The following ROCK2 variants were observed in gnomAD, a reference collection of about 807,000 sequenced individuals.
The protein encoded by ROCK2 is Rho associated coiled-coil containing protein kinase 2.
Under a neutral mutation model 195.1 loss-of-function variants are expected in ROCK2, and 61 were observed. The ratio of observed to expected loss-of-function variants is 0.31; its 90% confidence interval spans 0.25 to 0.39. The LOEUF (loss-of-function observed/expected upper bound fraction) is 0.39, where lower values mean the gene tolerates loss of function less well. Among genes scored for constraint, ROCK2 ranks in the 10% least tolerant of loss-of-function variants. The probability of loss-of-function intolerance (pLI) is 1.00; values close to 1 mark genes in which losing one functional copy is unlikely to be tolerated. For synonymous variants in ROCK2, 504 were observed against 545.5 expected, an observed-to-expected ratio of 0.92 and a Z score of 1.06; for missense variants, 1,109 against 1,637.4, an observed-to-expected ratio of 0.68 and a Z score of 5.57.
rs562933519 is a variant in ROCK2, at chr2:11,272,664, G to C, written c.324+13875C>G. 9.9e-5 allele frequency among the ~76,000 whole-genome samples: 15 copies of C among 152,138 alleles called. No individual in the cohort carries two copies. The East Asian group carries it at 2.9e-3, about 29-fold the overall frequency. ...GGAGGCCGAGGCAGGTGGATCATTT[G>C]AGGTCAGGAGTTTGAGACCAGCCTT... On this transcript the variant is annotated intron_variant, in intron 3 of 32. Transcript: ENST00000315872.
Position 11,298,455 on chromosome 2 carries a change from G to A in ROCK2, c.142-10719C>T, listed in dbSNP as rs541799717. On this transcript the variant is annotated intron_variant, in intron 1 of 32. Transcript: ENST00000315872. ...ACTCCACTCCAGCCTGAACAACAGAGTGAGACTCCATCTCAAAAAAAAAAA... is the reference window on the plus strand; with the variant it reads ...ACTCCACTCCAGCCTGAACAACAGAATGAGACTCCATCTCAAAAAAAAAAA... 6.1e-5 allele frequency among the ~76,000 whole-genome samples: 8 copies of A among 131,404 alleles called. No homozygotes were observed. In the East Asian group the frequency reaches 1.7e-3, roughly 28 times the overall value. The allele number at this position is 131,404 out of a possible 152,430, so 86.2% of individuals were successfully genotyped here.
In ROCK2 at chr2:11,197,682, G is replaced by T; in HGVS notation, c.3123C>A (p.Ile1041=). Reference sequence around the variant, plus strand: ...GCTTGACAGGTTCTTTTCGATTCATGATCTCAGCCAACTTATTCACAGCCT... The same window carrying T: ...GCTTGACAGGTTCTTTTCGATTCATTATCTCAGCCAACTTATTCACAGCCT... The part of the protein sequence containing the change: ...KTQAVNKLAE[I]MNRKEPVKRG... The change falls in exon 26 of 33, where the codon ATC becomes ATA. Residue 1041 remains isoleucine (I), a synonymous_variant. Transcript: ENST00000315872. The surrounding 1 kb of genome is among the most constrained non-coding windows in gnomAD (Gnocchi z 4.9). The T allele has an allele frequency of 6.3e-7, 1 of 1,588,742 alleles. No individual in the cohort carries two copies. Among genetic ancestry groups the T allele is most frequent in the Non-Finnish European group, 8.6e-7 (1 of 1,168,634 alleles).
chr2:11,247,032 TAA>T (rs1218211283), intron 4 of ROCK2, among the ~76,000 whole-genome samples: 3 of 152,192 alleles, frequency 2.0e-5, no homozygotes, highest in Non-Finnish European at 4.4e-5. Flanking sequence ...AATAAGAAAT[TAA>T]GTGTTGATAC....
In ROCK2 at chr2:11,237,631, A is replaced by G. The variant is rs114376392; in HGVS notation, c.463-1669T>C. Among the ~76,000 whole-genome samples, 494 of 152,386 alleles carry G rather than the reference A, an allele frequency of 3.2e-3. 2 individuals are homozygous for G. The highest frequency in any genetic ancestry group is 0.011 in the African/African-American group (442 of 41,594). ...ACCTCTCAGCCAACATACTGAATAT[A>G]AAAGGCAACATAGCTATATCTTCAA... On this transcript the variant is annotated intron_variant, in intron 4 of 32. Transcript: ENST00000315872.
At chr2:11,343,864 G>T in intron 1 of ROCK2, 132 bp downstream of exon 1, 1 of 1,180,012 alleles carries the variant, frequency 8.5e-7, no homozygotes, top group Non-Finnish European at 1.1e-6. Flanking sequence ...CTCCGGCCCC[G>T]GCTGCCGGAA....
At chr2:11,287,504 A>C in intron 2 of ROCK2, 151 bp downstream of exon 2, 2 of 347,492 alleles carry the variant, frequency 5.8e-6, no homozygotes, top group Non-Finnish European at 1.1e-5. Context: ...AAAAGTAACA[A>C]TTTTTGAATA....
chr2:11,194,870 G>A (rs1244276803), intron 28 of ROCK2, 85 bp downstream of exon 28: 17 of 628,154 alleles, frequency 2.7e-5, no homozygotes, highest in Non-Finnish European at 3.9e-5. Flanking sequence ...TACCAGTCAT[G>A]TATATCCTAC....
intron 5 of ROCK2, among the ~76,000 whole-genome samples, chr2:11,230,361 C>T (rs1423603859): frequency 6.6e-6 from 1 of 152,088 alleles, no homozygotes; most frequent in Admixed American, 6.5e-5. Context: ...GGAGCTTTCA[C>T]AAGATGGCAA....
intron 3 of ROCK2, among the ~76,000 whole-genome samples, chr2:11,256,205 C>T (rs927486706): frequency 2.0e-5 from 3 of 151,160 alleles, no homozygotes; most frequent in Admixed American, 6.6e-5. Context: ...TTTGTGCCCC[C>T]ACCCAAATTT....
intron 1 of ROCK2, among the ~76,000 whole-genome samples, chr2:11,296,034 G>GAGAGAGAGAGAC: frequency 6.8e-6 from 1 of 147,954 alleles, no homozygotes; most frequent in Non-Finnish European, 1.5e-5. Flanking sequence ...GAGAGAGAGA[G>GAGAGAGAGAGAC]AGAGAGAGAG....
chr2:11,232,195 C>G (rs1665039463), intron 5 of ROCK2, among the ~76,000 whole-genome samples: 2 of 151,696 alleles, frequency 1.3e-5, no homozygotes, highest in South Asian at 4.2e-4. Context: ...CTGGCACGAT[C>G]TCGGCTCACT....
chr2:11,320,787 AC>A (rs1325733330), intron 1 of ROCK2, among the ~76,000 whole-genome samples: 1 of 152,184 alleles, frequency 6.6e-6, no homozygotes, highest in Admixed American at 6.5e-5. Context: ...CTTCCAGGTG[AC>A]CAGGTGACCA....
At chr2:11,264,759 G>A (rs1165668705) in intron 3 of ROCK2, among the ~76,000 whole-genome samples, 1 of 152,104 alleles carries the variant, frequency 6.6e-6, no homozygotes, top group Non-Finnish European at 1.5e-5. Flanking sequence ...TTAGAAGTCA[G>A]GTAGAGAATG....
chr2:11,290,121 G>C (rs990869091), intron 1 of ROCK2, among the ~76,000 whole-genome samples: 8 of 151,990 alleles, frequency 5.3e-5, no homozygotes, highest in Non-Finnish European at 1.2e-4. Flanking sequence ...AAAAAATTCT[G>C]AATTGTTTTC....
At chr2:11,312,037 T>G (rs1668051844) in intron 1 of ROCK2, among the ~76,000 whole-genome samples, 1 of 152,200 alleles carries the variant, frequency 6.6e-6, no homozygotes, top group African/African-American at 2.4e-5. Flanking sequence ...AGCCGTCGTT[T>G]CATACTAAAG....
chr2:11,222,135 T>G lies in ROCK2; in HGVS notation c.1047A>C (p.Arg349Ser), dbSNP rs1199987707. 1 of 1,611,024 alleles carries G rather than the reference T, an allele frequency of 6.2e-7. No homozygotes were observed. Among genetic ancestry groups the G allele is most frequent in the African/African-American group, 1.3e-5 (1 of 74,878 alleles). The change falls in exon 8 of 33, where the codon AGA becomes AGC. Residue 349 changes from arginine (R) to serine (S), a missense_variant. Coordinates refer to ENST00000315872, the MANE Select transcript of ROCK2 (RefSeq NM_004850.5). ...GATCATTCTTAAAGAAAGGATGCTGTCTGATTTCTTCCACCCCATTTCTCC... is the reference window on the plus strand; with the variant it reads ...GATCATTCTTAAAGAAAGGATGCTGGCTGATTTCTTCCACCCCATTTCTCC... ...RLGRNGVEEI[R>S]QHPFFKNDQW...
rs1424383060 is a variant in ROCK2 at position 11,295,994 on chromosome 2, AGAGAGAGAGAG to A, written c.142-8269_142-8259del. Among the ~76,000 whole-genome samples, 64 of 34,964 alleles carry A rather than the reference AGAGAGAGAGAG, an allele frequency of 1.8e-3. 1 individual carries two copies. In the East Asian group the frequency reaches 0.022, roughly 12 times the overall value. 22.9% of individuals were successfully genotyped at this position (34,964 alleles called of 152,430 possible). ...AGAGAGAGAGAGAGAGAGAGAGGAGAGAGAGAGAGAGGAGAGAGAGAGAGAGAGAGAGAGAG... is the reference window on the plus strand; with the variant it reads ...AGAGAGAGAGAGAGAGAGAGAGGAGAGAGAGAGAGAGAGAGAGAGAGAGAG... On this transcript the variant is annotated intron_variant, in intron 1 of 32. Transcript: ENST00000315872.
chr2:11,248,999 G>A (rs545921753), intron 4 of ROCK2, among the ~76,000 whole-genome samples: 1 of 152,016 alleles, frequency 6.6e-6, no homozygotes, highest in Admixed American at 6.5e-5. Flanking sequence ...AGGTTCAAGC[G>A]ATTCTCCTGC....
At chr2:11,295,711 A>G (rs1407899475) in intron 1 of ROCK2, among the ~76,000 whole-genome samples, 1 of 152,002 alleles carries the variant, frequency 6.6e-6, no homozygotes, top group Non-Finnish European at 1.5e-5. Context: ...AATCCCAACT[A>G]TTTGGGAGGC....
Sources: gnomAD v4.1 joint callset for allele counts (sites outside exome capture counted in the v4.1 genomes callset) on GRCh38, gnomAD v4.1.1 for gene constraint, Gnocchi (gnomAD v3.1) non-coding constraint, MANE v1.5 for transcripts, NCBI Gene and HGNC (gene_info 2026-07-23, HGNC 2026-07-21) for gene names.